The following IL16 variants were observed in gnomAD, a reference collection of about 807,000 sequenced individuals.
IL16 encodes interleukin 16.
In IL16, 67 loss-of-function variants were observed where a neutral mutation model predicts 110.1. That is an observed-to-expected ratio of 0.61 (90% CI 0.50 to 0.75). The LOEUF (loss-of-function observed/expected upper bound fraction) is 0.75, where lower values mean the gene tolerates loss of function less well. Among genes scored for constraint, IL16 ranks in the 30% least tolerant of loss-of-function variants. IL16 has a pLI of 0.00. For synonymous variants in IL16, 689 were observed against 662.9 expected (o/e 1.04, Z -0.61); for missense variants, 1,545 against 1,655.0 (o/e 0.93, Z 1.15).
At chr15:81,228,267 A>G (rs1193532203) in intron 2 of IL16, among the ~76,000 whole-genome samples, 2 of 151,578 alleles carry the variant, frequency 1.3e-5, no homozygotes, top group South Asian at 2.1e-4. Context: ...GGACCCGGGC[A>G]GGGGAAAGAA....
intron 16 of IL16, among the ~76,000 whole-genome samples, chr15:81,305,085 T>C (rs904385997): frequency 1.3e-5 from 2 of 152,236 alleles, no homozygotes; most frequent in Admixed American, 6.5e-5. Flanking sequence ...CTAGACTGCC[T>C]AGGAGAGTGT....
At position 81,225,623 on chromosome 15, in the gene IL16, C is replaced by T; in HGVS notation, c.224C>T (p.Pro75Leu). Residue 75 changes from proline (P) to leucine (L), a missense_variant, in exon 2 of 19, where the codon CCT becomes CTT. This residue lies in a region of IL16 where 1,185 missense variants were observed against 1,238.8 expected (regional missense o/e 0.96). Transcript: ENST00000683961. Reference protein sequence around the residue: ...DTSEAGPSSVPDLALASEAAQ... With the variant: ...DTSEAGPSSVLDLALASEAAQ... The stretch of plus-strand genomic sequence containing the variant: ...TCGGAGGCTGGGCCCAGCAGTGTTC[C>T]TGATCTAGCACTGGCCTCGGAGGCT... The T allele has an allele frequency of 1.9e-6, 3 of 1,614,124 alleles. No individual in the cohort carries two copies. Among genetic ancestry groups the T allele is most frequent in the South Asian group, 2.2e-5 (2 of 91,076 alleles).
chr15:81,289,924 G>A (rs1299256296), intron 10 of IL16: 1 of 454,888 alleles, frequency 2.2e-6, no homozygotes, highest in East Asian at 6.9e-5. Flanking sequence ...TGGAGGCTCA[G>A]GAGGTTAAGT....
At position 81,233,518 on chromosome 15, in the gene IL16, T is replaced by C. The variant is rs375019006; in HGVS notation, c.312+7807T>C. Among the ~76,000 whole-genome samples the C allele has an allele frequency of 4.6e-5, 7 of 151,054 alleles. No homozygotes were observed. In the East Asian group the frequency reaches 1.4e-3, roughly 29 times the overall value. On this transcript the variant is annotated intron_variant, in intron 2 of 18. Coordinates refer to ENST00000683961, the MANE Select transcript of IL16 (RefSeq NM_172217.5). ...GTGTCTTGATTGATTCCTAGACTAA[T>C]TGTTCCATAGTTAAAGAAGAGAATG...
In IL16 at chr15:81,282,701, A is replaced by T. The variant is rs780971898; in HGVS notation, c.1144A>T (p.Ile382Phe). Residue 382 changes from isoleucine (I) to phenylalanine (F), a missense_variant, in exon 9 of 19, where the codon ATT (isoleucine) becomes TTT (phenylalanine). By Grantham distance (21) the Ile-to-Phe change is conservative (BLOSUM62 0). This residue lies in a region of IL16 where 1,185 missense variants were observed against 1,238.8 expected (regional missense o/e 0.96). Coordinates refer to ENST00000683961, the MANE Select transcript of IL16 (RefSeq NM_172217.5). The part of the protein sequence containing the change: ...SVPYFQCISG[I>F]FVHTLSPGSV... ...TCCCTACTTCCAATGCATCTCTGGC[A>T]TTTTCGTCCACACGCTGTCACCAGG... 13 of 1,614,002 alleles carry T rather than the reference A, an allele frequency of 8.1e-6. No homozygotes were observed. In the African/African-American group the frequency reaches 1.7e-4, roughly 22 times the overall value.
At chr15:81,298,869 C>A (rs1255020591) in intron 13 of IL16, among the ~76,000 whole-genome samples, 1 of 152,226 alleles carries the variant, frequency 6.6e-6, no homozygotes, top group African/African-American at 2.4e-5. Context: ...AAGCTGTGCA[C>A]AGGCACCTTG....
At position 81,238,259 on chromosome 15, in the gene IL16, T is replaced by C. The variant is rs994272344; in HGVS notation, c.312+12548T>C. Among the ~76,000 whole-genome samples the C allele has an allele frequency of 3.3e-5, 5 of 152,238 alleles. No homozygotes were observed. In the East Asian group the frequency reaches 9.6e-4, roughly 29 times the overall value. The stretch of plus-strand genomic sequence containing the variant: ...AATTTATATTTAAAGTAATAACTTG[T>C]ATGTTAGAACTTAAGTCTGTCATTT... On this transcript the variant is annotated intron_variant, in intron 2 of 18. Transcript: ENST00000683961.
chr15:81,306,768 A>C (rs1028753887), intron 18 of IL16: 4 of 591,018 alleles, frequency 6.8e-6, no homozygotes, highest in Admixed American at 4.9e-5. Context: ...GTCTTCAAAA[A>C]TACCTAAGTC....
At chr15:81,274,491 C>A (rs1898806967) in intron 6 of IL16, among the ~76,000 whole-genome samples, 1 of 152,038 alleles carries the variant, frequency 6.6e-6, no homozygotes, top group Admixed American at 6.5e-5. Flanking sequence ...GCCACAGTGC[C>A]CAGCTAGAAA....
At position 81,222,260 on chromosome 15, in the gene IL16, C is replaced by T. The variant is rs528198442; in HGVS notation, c.-101-3039C>T. ...CTTGACTGGGTATGATGGCTTCTCT[C>T]CTAGGCTTGGGGTGGGATAAGAGAG... On this transcript the variant is annotated intron_variant, in intron 1 of 18. Coordinates refer to ENST00000683961, the MANE Select transcript of IL16 (RefSeq NM_172217.5). Among the ~76,000 whole-genome samples, 16 of 152,020 alleles carry T rather than the reference C, an allele frequency of 1.1e-4. No individual in the cohort carries two copies. In the South Asian group the frequency reaches 3.3e-3, roughly 32 times the overall value.
At chr15:81,279,367 T>C (rs1899063208) in intron 7 of IL16, among the ~76,000 whole-genome samples, 191 bp from the exon 8 acceptor site, 1 of 152,232 alleles carries the variant, frequency 6.6e-6, no homozygotes, top group Non-Finnish European at 1.5e-5. Context: ...ATCTGGCATA[T>C]GTAAATATAT....
chr15:81,306,845 G>T (rs1404407438), intron 18 of IL16: 6 of 431,404 alleles, frequency 1.4e-5, no homozygotes, highest in Non-Finnish European at 2.2e-5. Context: ...GGCCTGTGGG[G>T]CAGAATTTTA....
rs532872365 is a variant in IL16, at chr15:81,231,324, GTCTCTCTCTCTC to G, written c.312+5660_312+5671del. ...GGGGAGATCTACCCAAGGTCGGTCT[GTCTCTCTCTCTC>G]TCTCTCTCTCTCTCTCTCTCTCTCT... On this transcript the variant is annotated intron_variant, in intron 2 of 18. Transcript: ENST00000683961. Among the ~76,000 whole-genome samples the G allele has an allele frequency of 3.6e-3, 171 of 47,148 alleles. 2 individuals are homozygous for G. The highest frequency in any genetic ancestry group is 7.4e-3 in the African/African-American group (94 of 12,748). The allele number at this position is 47,148 out of a possible 152,430, so 30.9% of individuals were successfully genotyped here.
At position 81,292,997 on chromosome 15, in the gene IL16, C is replaced by G. The variant is rs1409595508; in HGVS notation, c.1862C>G (p.Ser621Cys). The change falls in exon 12 of 19, where the codon TCC (serine) becomes TGC (cysteine). Residue 621 changes from serine (S) to cysteine (C), a missense_variant. Ser to Cys is a moderately radical substitution (Grantham distance 112). Coordinates refer to ENST00000683961, the MANE Select transcript of IL16 (RefSeq NM_172217.5). ...AAGAGTCTGGAAGAGAGAGAGAACT[C>G]CTCATGCTCTTCTGGGCACACCCCA... is the stretch of plus-strand genomic sequence containing the variant. ...PQKSLEEREN[S>C]SCSSGHTPPT... 1.9e-6 allele frequency: 3 copies of G among 1,612,302 alleles called. No individual in the cohort carries two copies. The highest frequency in any genetic ancestry group is 1.7e-6 in the Non-Finnish European group (2 of 1,179,962).
At position 81,311,323 on chromosome 15, in the gene IL16, A is replaced by G. The variant is rs988199735; in HGVS notation, c.*2525A>G. ...CATACATTATCTCACTTGTGCCAAC[A>G]CTCAAGAAGCAGGCTACACTGACAC... On this transcript the variant is annotated 3_prime_UTR_variant, in exon 19 of 19. Coordinates refer to ENST00000683961, the MANE Select transcript of IL16 (RefSeq NM_172217.5). The G allele has an allele frequency of 2.4e-4, 36 of 152,312 alleles. No homozygotes were observed. Among genetic ancestry groups the G allele is most frequent in the African/African-American group, 8.7e-4 (36 of 41,558 alleles). The allele number at this position is 152,312 out of a possible 1,614,324, so 9.4% of individuals were successfully genotyped here. A position where few individuals can be genotyped will look rare whatever the true frequency, so the allele number is the denominator to read the frequency against.
chr15:81,269,826 A>G (rs927051470), intron 5 of IL16, among the ~76,000 whole-genome samples, 178 bp downstream of exon 5: 3 of 152,306 alleles, frequency 2.0e-5, no homozygotes, highest in African/African-American at 4.8e-5. Flanking sequence ...AGCAGCACAC[A>G]TTTTTCTAAT....
intron 1 of IL16, among the ~76,000 whole-genome samples, chr15:81,190,406 T>C (rs1451000731): frequency 6.6e-6 from 1 of 152,172 alleles, no homozygotes; most frequent in Admixed American, 6.5e-5. Flanking sequence ...CACGGCAATG[T>C]TTACTTACTC....
chr15:81,301,502 C>G lies in IL16; in HGVS notation c.3308C>G (p.Ala1103Gly). ...GAGGAGGTGAAGGTTCTGGATGAAG[C>G]AACATTAAAGGTAGGTTTCCTTTGT... ...LIEEVKVLDE[A>G]TLKQLDGIHV... Residue 1103 changes from alanine (A) to glycine (G), a missense_variant, in exon 15 of 19, where the codon GCA becomes GGA. Ala to Gly is a moderately conservative substitution (Grantham distance 60, BLOSUM62 0). This residue lies in a region of IL16 where 356 missense variants were observed against 399.3 expected (regional missense o/e 0.89). Coordinates refer to ENST00000683961, the MANE Select transcript of IL16 (RefSeq NM_172217.5). 6.2e-7 allele frequency: 1 copy of G among 1,611,680 alleles called. No individual in the cohort carries two copies. The highest frequency in any genetic ancestry group is 8.5e-7 in the Non-Finnish European group (1 of 1,179,298).
Position 81,297,002 on chromosome 15 carries a change from C to A in IL16, c.1977C>A (p.Gly659=). ...GGAGAAGCCCTAGTGCCTCTGCCGGCTGCCCAGGACCTGGTATCGGCCCAC... is the reference window on the plus strand; with the variant it reads ...GGAGAAGCCCTAGTGCCTCTGCCGGATGCCCAGGACCTGGTATCGGCCCAC... ...TAGRSPSASA[G]CPGPGIGPQT... Residue 659 remains glycine, a synonymous_variant, in exon 13 of 19, where the codon GGC becomes GGA. Transcript: ENST00000683961. 1 of 1,613,976 alleles carries A rather than the reference C, an allele frequency of 6.2e-7. No homozygotes were observed. The highest frequency in any genetic ancestry group is 8.5e-7 in the Non-Finnish European group (1 of 1,179,980).
Sources: allele counts gnomAD v4.1 joint callset (sites outside exome capture counted in the v4.1 genomes callset), GRCh38; gene constraint gnomAD v4.1.1; regional missense constraint gnomAD v4.1.1; transcripts MANE v1.5; gene names NCBI Gene and HGNC (gene_info 2026-07-23, HGNC 2026-07-21).